RNF169: variants seen among roughly 807,000 people sequenced by gnomAD.
RNF169 encodes the protein E3 ubiquitin-protein ligase RNF169.
A neutral mutation model predicts 53.9 loss-of-function variants in RNF169; 24 were observed. That is an observed-to-expected ratio of 0.45 (90% CI 0.32 to 0.63). RNF169 has a LOEUF of 0.63. Ranked by LOEUF, RNF169 falls within the 20% of genes least tolerant of loss-of-function variation. RNF169 has a pLI of 0.04. For synonymous variants in RNF169, 396 were observed against 363.5 expected, an observed-to-expected ratio of 1.09 and a Z score of -1.02; for missense variants, 883 against 906.2, an observed-to-expected ratio of 0.97 and a Z score of 0.33.
rs929629316 is a variant in RNF169, at chr11:74,778,909, A to G, written c.503-10717A>G. Among the ~76,000 whole-genome samples the G allele has an allele frequency of 5.3e-5, 8 of 152,238 alleles. No homozygotes were observed. In the East Asian group the frequency reaches 9.6e-4, roughly 18 times the overall value. The stretch of plus-strand genomic sequence containing the variant: ...CTCAGGGTATGCTGAAGTTATTGCT[A>G]TCAGGTGCATTTACCATACAGGTGA... On this transcript the variant is annotated intron_variant, in intron 1 of 5. Coordinates refer to ENST00000299563, the MANE Select transcript of RNF169 (RefSeq NM_001098638.2).
intron 1 of RNF169, among the ~76,000 whole-genome samples, chr11:74,756,849 G>A (rs1035462716): frequency 2.6e-5 from 4 of 152,028 alleles, no homozygotes; most frequent in African/African-American, 7.2e-5. Flanking sequence ...TTTCAAAGAG[G>A]AATTCATCTT....
intron 2 of RNF169, among the ~76,000 whole-genome samples, chr11:74,806,124 A>G (rs1345681725): frequency 2.6e-5 from 4 of 152,184 alleles, no homozygotes; most frequent in African/African-American, 9.7e-5. Flanking sequence ...AAATATAAAG[A>G]ACTCTTACAA....
intron 4 of RNF169, chr11:74,831,852 A>G (rs987121378): frequency 1.2e-4 from 19 of 152,190 alleles, no homozygotes; most frequent in African/African-American, 4.6e-4. Context: ...CCATACATCC[A>G]TGGTCAACTG....
chr11:74,829,537 G>A (rs190516245), intron 4 of RNF169, among the ~76,000 whole-genome samples: 62 of 148,394 alleles, frequency 4.2e-4, no homozygotes, highest in African/African-American at 1.3e-3. Flanking sequence ...AAAAATACAC[G>A]CACATGTGTG....
chr11:74,786,133 G>A (rs2035498172), intron 1 of RNF169, among the ~76,000 whole-genome samples: 1 of 151,344 alleles, frequency 6.6e-6, no homozygotes, highest in Non-Finnish European at 1.5e-5. Flanking sequence ...GAGAGACGGG[G>A]TTTCACCATG....
intron 2 of RNF169, among the ~76,000 whole-genome samples, chr11:74,804,936 T>C (rs2035784318): frequency 6.6e-6 from 1 of 152,200 alleles, no homozygotes; most frequent in African/African-American, 2.4e-5. Context: ...CATGCAGTAG[T>C]AGTAGGAGTA....
intron 4 of RNF169, among the ~76,000 whole-genome samples, chr11:74,821,575 G>A (rs1422140120): frequency 1.2e-5 from 1 of 86,358 alleles, no homozygotes; most frequent in Non-Finnish European, 2.1e-5. Flanking sequence ...GGAGAATGGC[G>A]TGAACCCGGG....
At chr11:74,801,354 C>T (rs1222029771) in intron 2 of RNF169, among the ~76,000 whole-genome samples, 1 of 152,184 alleles carries the variant, frequency 6.6e-6, no homozygotes, top group Non-Finnish European at 1.5e-5. Flanking sequence ...CAGCAATAGT[C>T]ACCAGTCAGA....
intron 1 of RNF169, among the ~76,000 whole-genome samples, chr11:74,750,866 T>TG (rs2034880880): frequency 3.4e-5 from 1 of 29,764 alleles, no homozygotes; most frequent in Non-Finnish European, 6.2e-5. Flanking sequence ...CCTCCCAAGG[T>TG]TTTTTTTTTT....
chr11:74,791,080 C>T (rs1296494413), intron 2 of RNF169, among the ~76,000 whole-genome samples: 1 of 152,202 alleles, frequency 6.6e-6, no homozygotes, highest in Non-Finnish European at 1.5e-5. Flanking sequence ...TATTGAGTGA[C>T]AGTACAGCTC....
chr11:74,765,441 A>G (rs1209901625), intron 1 of RNF169, among the ~76,000 whole-genome samples: 1 of 152,228 alleles, frequency 6.6e-6, no homozygotes, highest in East Asian at 1.9e-4. Flanking sequence ...TAGTGAAAAT[A>G]TAACCAATTC....
intron 1 of RNF169, among the ~76,000 whole-genome samples, chr11:74,765,372 C>A (rs563196): frequency 0.99 from 151,198 of 152,390 alleles, 75,010 homozygotes; most frequent in East Asian, 1. Context: ...AGTTTCGACA[C>A]ATATGAAAGA....
chr11:74,769,609 C>T (rs964227691), intron 1 of RNF169, among the ~76,000 whole-genome samples: 1 of 152,140 alleles, frequency 6.6e-6, no homozygotes, highest in Non-Finnish European at 1.5e-5. Flanking sequence ...TTAGTTTCTA[C>T]AGCTGTTAGA....
intron 4 of RNF169, among the ~76,000 whole-genome samples, chr11:74,833,722 A>G (rs1565188971): frequency 6.6e-6 from 1 of 152,180 alleles, no homozygotes; most frequent in Non-Finnish European, 1.5e-5. Context: ...TGGTGAACAG[A>G]CATATATTTA....
chr11:74,773,303 A>G (rs772199373), intron 1 of RNF169, among the ~76,000 whole-genome samples: 29 of 152,210 alleles, frequency 1.9e-4, no homozygotes, highest in Non-Finnish European at 4.3e-4. Flanking sequence ...TCAACTAGTC[A>G]ATCTTTAACA....
At position 74,777,190 on chromosome 11, in the gene RNF169, C is replaced by T. The variant is rs183600900; in HGVS notation, c.503-12436C>T. On this transcript the variant is annotated intron_variant, in intron 1 of 5. Coordinates refer to ENST00000299563, the MANE Select transcript of RNF169 (RefSeq NM_001098638.2). ...CCCATTTTATGAATGAAGAAACAGG[C>T]TTAGCAAAGATAAATACTGGTAGGC... 1.1e-3 allele frequency among the ~76,000 whole-genome samples: 160 copies of T among 152,292 alleles called. 1 individual carries two copies. Among genetic ancestry groups the T allele is most frequent in the Admixed American group, 2.5e-3 (39 of 15,298 alleles).
chr11:74,750,767 G>A (rs1437688163), intron 1 of RNF169, among the ~76,000 whole-genome samples: 4 of 149,834 alleles, frequency 2.7e-5, no homozygotes, highest in East Asian at 2.0e-4. Flanking sequence ...CACCACGCCC[G>A]GCTTTTTTGT....
Position 74,835,837 on chromosome 11 carries a change from C to T in RNF169, c.1234C>T (p.Arg412Cys), listed in dbSNP as rs755293599. The T allele has an allele frequency of 2.7e-5, 43 of 1,614,090 alleles. No individual in the cohort carries two copies. The highest frequency in any genetic ancestry group is 2.4e-4 in the East Asian group (11 of 44,898). ...LSPLIIKSTP[R>C]NLNRSLQKQT... is the part of the protein sequence containing the mutation. Reference sequence around the variant, plus strand: ...TCCTCTCATCATCAAATCAACTCCACGCAACCTAAACAGAAGCCTGCAGAA... The same window carrying T: ...TCCTCTCATCATCAAATCAACTCCATGCAACCTAAACAGAAGCCTGCAGAA... Residue 412 changes from arginine to cysteine, a missense_variant, in exon 6 of 6, where the codon CGC (arginine) becomes TGC (cysteine). Transcript: ENST00000299563.
Position 74,749,353 on chromosome 11 carries a change from A to T in RNF169, c.473A>T (p.Gln158Leu), listed in dbSNP as rs758373422. Residue 158 changes from glutamine (Q) to leucine (L), a missense_variant, in exon 1 of 6, where the codon CAG becomes CTG. By Grantham distance (113) the Gln-to-Leu change is moderately radical. Coordinates refer to ENST00000299563, the MANE Select transcript of RNF169 (RefSeq NM_001098638.2). ...GCTGCCGCGGGGCCCAGGCCAGAGC[A>T]GGAGCCGCGTGCCGCGCCTGCGGAG... The part of the protein sequence containing the change: ...GAAAAGPRPE[Q>L]EPRAAPAEPD... 1 of 1,229,038 alleles carries T rather than the reference A, an allele frequency of 8.1e-7. No homozygotes were observed. Among genetic ancestry groups the T allele is most frequent in the Non-Finnish European group, 1.0e-6 (1 of 983,276 alleles). The allele number at this position is 1,229,038 out of a possible 1,614,324, so 76.1% of individuals were successfully genotyped here.
Sources: allele counts gnomAD v4.1 joint callset (sites outside exome capture counted in the v4.1 genomes callset), GRCh38; gene constraint gnomAD v4.1.1; transcripts MANE v1.5; gene names NCBI Gene and HGNC (gene_info 2026-07-23, HGNC 2026-07-21).